The following HNF4G variants were observed in gnomAD, a reference collection of about 807,000 sequenced individuals.
The protein encoded by HNF4G is hepatocyte nuclear factor 4-gamma.
HNF4G carries 21 observed loss-of-function variants against 50.9 expected under a neutral mutation model. That is an observed-to-expected ratio of 0.41 (90% CI 0.29 to 0.59). HNF4G has a LOEUF of 0.59. HNF4G is among the 20% of genes least tolerant of loss of function. The pLI, the probability that HNF4G is intolerant of heterozygous loss-of-function variation, is 0.26. For synonymous variants in HNF4G, 198 were observed against 185.6 expected (o/e 1.07, Z -0.54); for missense variants, 527 against 559.4 (o/e 0.94, Z 0.58).
intron 2 of HNF4G, 52 bp from the exon 3 acceptor site, chr8:75,547,535 C>A: frequency 8.0e-7 from 1 of 1,250,970 alleles, no homozygotes; most frequent in Non-Finnish European, 1.2e-6. Context: ...TGTTTATTTG[C>A]TTCTTTTGTA....
In HNF4G at chr8:75,456,086, C is replaced by T. The variant is rs57627216; in HGVS notation, c.-143-34003C>T. On this transcript the variant is annotated intron_variant, in intron 1 of 10. Coordinates refer to the HNF4G transcript ENST00000354370. Reference sequence around the variant, plus strand: ...CTTCTTATCTGAGTATAGCTGGGGACGTCTTTGTTCAGAAGTACACAGAAT... The same window carrying T: ...CTTCTTATCTGAGTATAGCTGGGGATGTCTTTGTTCAGAAGTACACAGAAT... 5.1e-3 allele frequency among the ~76,000 whole-genome samples: 775 copies of T among 152,162 alleles called. 13 individuals are homozygous for T. Among genetic ancestry groups the T allele is most frequent in the African/African-American group, 0.018 (748 of 41,524 alleles).
intron 1 of HNF4G, among the ~76,000 whole-genome samples, chr8:75,481,132 T>G (rs551748005): frequency 1.7e-3 from 255 of 152,340 alleles, no homozygotes; most frequent in Middle Eastern, 3.4e-3. Flanking sequence ...TGACTTTGTA[T>G]TTTATCCATT....
intron 5 of HNF4G, among the ~76,000 whole-genome samples, chr8:75,555,285 G>GAACAAGCACTTCA (rs1807080937): frequency 6.6e-6 from 1 of 152,160 alleles, no homozygotes; most frequent in South Asian, 2.1e-4. Flanking sequence ...GGATTACGGT[G>GAACAAGCACTTCA]TCATTTACTA....
chr8:75,413,621 C>A (rs192573996), intron 1 of HNF4G, among the ~76,000 whole-genome samples: 1 of 152,044 alleles, frequency 6.6e-6, no homozygotes, highest in East Asian at 1.9e-4. Flanking sequence ...GTAATCCTAG[C>A]ACTTTGGGAG....
rs894264693 is a variant in HNF4G at position 75,565,914 on chromosome 8, T to C, written c.*1818T>C. The C allele has an allele frequency of 4.6e-5, 7 of 152,156 alleles. No individual in the cohort carries two copies. Among genetic ancestry groups the C allele is most frequent in the Non-Finnish European group, 1.0e-4 (7 of 68,030 alleles). The allele number at this position is 152,156 out of a possible 1,614,324, so 9.4% of individuals were successfully genotyped here. A position where few individuals can be genotyped will look rare whatever the true frequency, so the allele number is the denominator to read the frequency against. ...AAATATATCATATGGGGGGAGTTTT[T>C]TAACTCTTATTTTTTGAAAATTTAC... On this transcript the variant is annotated 3_prime_UTR_variant, in exon 10 of 10. Transcript: ENST00000396423.
rs548475509 is a variant in HNF4G at position 75,565,973 on chromosome 8, A to T, written c.*1877A>T. 1 of 152,076 alleles carries T rather than the reference A, an allele frequency of 6.6e-6. No homozygotes were observed. The highest frequency in any genetic ancestry group is 2.4e-5 in the African/African-American group (1 of 41,440). The allele number at this position is 152,076 out of a possible 1,614,324, so 9.4% of individuals were successfully genotyped here. A position where few individuals can be genotyped will look rare whatever the true frequency, so the allele number is the denominator to read the frequency against. On this transcript the variant is annotated 3_prime_UTR_variant, in exon 10 of 10. Transcript: ENST00000396423. ...CTATTTCGTGAATAAGAATGTTTTGATTTTGATCATACAAATAACTTTTGT... is the reference window on the plus strand; with the variant it reads ...CTATTTCGTGAATAAGAATGTTTTGTTTTTGATCATACAAATAACTTTTGT...
At chr8:75,407,924 G>A (rs568450099), upstream of HNF4G, 2 of 152,216 alleles carry the variant, frequency 1.3e-5, no homozygotes, top group East Asian at 3.9e-4. Context: ...GCGGCCGCGC[G>A]GCTGACTGCG....
chr8:75,513,845 A>G (rs1805818867), intron 2 of HNF4G, among the ~76,000 whole-genome samples: 1 of 151,288 alleles, frequency 6.6e-6, no homozygotes, highest in African/African-American at 2.4e-5. Flanking sequence ...TTCTGATTTT[A>G]TTATATTTTA....
At chr8:75,411,118 G>A (rs1366197260) in intron 1 of HNF4G, among the ~76,000 whole-genome samples, 1 of 152,168 alleles carries the variant, frequency 6.6e-6, no homozygotes, top group African/African-American at 2.4e-5. Context: ...AAGGTTACAC[G>A]TTTACATGGG....
chr8:75,464,286 T>C (rs1319789621), intron 1 of HNF4G, among the ~76,000 whole-genome samples: 1 of 152,152 alleles, frequency 6.6e-6, no homozygotes, highest in Non-Finnish European at 1.5e-5. Flanking sequence ...TTACATTTTC[T>C]TTAGATTTAT....
chr8:75,484,276 C>T (rs952497846), intron 1 of HNF4G, among the ~76,000 whole-genome samples: 1 of 152,074 alleles, frequency 6.6e-6, no homozygotes, highest in African/African-American at 2.4e-5. Flanking sequence ...AATAAACAGT[C>T]ATTACGAATC....
chr8:75,542,848 T>C (rs889971942), intron 1 of HNF4G, among the ~76,000 whole-genome samples: 13 of 152,182 alleles, frequency 8.5e-5, no homozygotes, highest in African/African-American at 2.4e-4. Context: ...GGAAAGATGA[T>C]GGTTGATTGA....
At chr8:75,546,650 A>C (rs1806789141) in intron 2 of HNF4G, among the ~76,000 whole-genome samples, 2 of 152,156 alleles carry the variant, frequency 1.3e-5, no homozygotes, top group Non-Finnish European at 2.9e-5. Flanking sequence ...TTTTGTTTAG[A>C]ATAGAATAGG....
At chr8:75,458,885 G>C (rs1362305586) in intron 1 of HNF4G, among the ~76,000 whole-genome samples, 3 of 151,852 alleles carry the variant, frequency 2.0e-5, no homozygotes, top group Admixed American at 6.6e-5. Flanking sequence ...CTATTTAATG[G>C]ATATGATATT....
At chr8:75,482,076 C>G (rs137951294) in intron 1 of HNF4G, among the ~76,000 whole-genome samples, 13 of 152,198 alleles carry the variant, frequency 8.5e-5, no homozygotes, top group African/African-American at 2.4e-4. Context: ...ACAATATCCT[C>G]GAGAAAATCA....
intron 2 of HNF4G, among the ~76,000 whole-genome samples, chr8:75,491,049 T>G (rs1424242072): frequency 6.6e-6 from 1 of 152,162 alleles, no homozygotes; most frequent in Non-Finnish European, 1.5e-5. Flanking sequence ...TTAGTTTGTG[T>G]TTGGAAAGTA....
At chr8:75,525,372 G>T (rs149513194) in intron 2 of HNF4G, among the ~76,000 whole-genome samples, 1 of 152,146 alleles carries the variant, frequency 6.6e-6, no homozygotes, top group African/African-American at 2.4e-5. Context: ...GTTTCACCGC[G>T]TTAGCCAGGA....
chr8:75,540,010 CA>C lies in HNF4G; in HGVS notation c.49del (p.Ser17ValfsTer32). 1.2e-6 allele frequency: 2 copies of C among 1,607,028 alleles called. No homozygotes were observed. The highest frequency in any genetic ancestry group is 1.7e-6 in the Non-Finnish European group (2 of 1,173,722). On this transcript the variant is annotated frameshift_variant, in exon 1 of 10. Coordinates refer to ENST00000396423, the MANE Select transcript of HNF4G (RefSeq NM_004133.5). LOFTEE classifies it high-confidence loss of function. ...TACTGGACATGGACATGGCAAATTA[CA>C]GTGAAGTTTTGGACCCAACTTACAC... The part of the protein sequence containing the change: ...PILDMDMANY[S>X]EVLDPTYTTL...
At chr8:75,528,571 TG>T (rs1210241153) in intron 2 of HNF4G, among the ~76,000 whole-genome samples, 2 of 152,188 alleles carry the variant, frequency 1.3e-5, no homozygotes, top group African/African-American at 4.8e-5. Flanking sequence ...GTCAGTATTA[TG>T]GGAGAATGAG....
Sources: gnomAD v4.1 joint callset for allele counts (sites outside exome capture counted in the v4.1 genomes callset) on GRCh38, gnomAD v4.1.1 for gene constraint, MANE v1.5 for transcripts, NCBI Gene and HGNC (gene_info 2026-07-23, HGNC 2026-07-21) for gene names.